The following ADGRL2 variants were observed in gnomAD, a reference collection of about 807,000 sequenced individuals.
The protein encoded by ADGRL2 is adhesion G protein-coupled receptor L2, also known as calcium-independent alpha-latrotoxin receptor 2.
Under a neutral mutation model 157.4 loss-of-function variants are expected in ADGRL2, and 44 were observed. The ratio of observed to expected loss-of-function variants is 0.28; its 90% CI spans 0.22 to 0.36. The LOEUF is 0.36. Ranked by LOEUF, ADGRL2 falls within the 10% of genes least tolerant of loss-of-function variation. ADGRL2 has a pLI of 1.00. For synonymous variants in ADGRL2, 585 were observed against 624.7 expected (o/e 0.94, Z 0.95); for missense variants, 1,510 against 1,768.9 (o/e 0.85, Z 2.63).
At chr1:81,754,488 C>T (rs1436963278) in intron 1 of ADGRL2, among the ~76,000 whole-genome samples, 1 of 135,068 alleles carries the variant, frequency 7.4e-6, no homozygotes, top group African/African-American at 2.7e-5. Flanking sequence ...CTCCCCTTTC[C>T]TTCCTTCTTT....
intron 1 of ADGRL2, among the ~76,000 whole-genome samples, chr1:81,365,241 A>G (rs181956780): frequency 1.1e-3 from 175 of 152,322 alleles, no homozygotes; most frequent in Non-Finnish European, 1.9e-3. Context: ...AGGAATTGGA[A>G]GATGAAATGG....
chr1:81,879,606 A>G (rs561319952), intron 2 of ADGRL2, among the ~76,000 whole-genome samples: 5 of 152,090 alleles, frequency 3.3e-5, no homozygotes, highest in African/African-American at 1.2e-4. Context: ...AATATTATTT[A>G]TTCTTCTTCT....
chr1:81,727,144 A>C (rs1372953438), intron 1 of ADGRL2, among the ~76,000 whole-genome samples: 1 of 152,204 alleles, frequency 6.6e-6, no homozygotes, highest in African/African-American at 2.4e-5. Context: ...CAAGTTTCCA[A>C]GACAGGCAGG....
rs558320349 is a variant in ADGRL2, at chr1:81,647,295, T to G, written c.-143+66315T>G. 2.0e-5 allele frequency among the ~76,000 whole-genome samples: 3 copies of G among 152,298 alleles called. No homozygotes were observed. In the East Asian group the frequency reaches 5.8e-4, roughly 29 times the overall value. ...TGCAGAATTTTGAATGTGATGAGAC[T>G]TCACCTTATTTAAAGAAGCAGGTTA... is the stretch of plus-strand genomic sequence containing the variant. On this transcript the variant is annotated intron_variant, in intron 3 of 24. Coordinates refer to the ADGRL2 transcript ENST00000370721.
At chr1:81,326,331 T>A (rs1660898651) in intron 1 of ADGRL2, among the ~76,000 whole-genome samples, 1 of 152,226 alleles carries the variant, frequency 6.6e-6, no homozygotes, top group Admixed American at 6.5e-5. Flanking sequence ...TTTTAATATA[T>A]CTAGAGCTCT....
At position 81,896,283 on chromosome 1, in the gene ADGRL2, T is replaced by C. The variant is rs368670149; in HGVS notation, c.74-10734T>C. ...TAAATTTTTGTTAGAAACTTATTGA[T>C]GTTAAACTGGTTTTAACTAGTTATA... On this transcript the variant is annotated intron_variant, in intron 2 of 23. Transcript: ENST00000686636. 4.9e-4 allele frequency among the ~76,000 whole-genome samples: 75 copies of C among 151,792 alleles called. No individual in the cohort carries two copies. In the South Asian group the frequency reaches 0.015, roughly 30 times the overall value.
At chr1:81,517,332 A>G (rs1303597747) in intron 2 of ADGRL2, among the ~76,000 whole-genome samples, 1 of 151,882 alleles carries the variant, frequency 6.6e-6, no homozygotes, top group Non-Finnish European at 1.5e-5. Context: ...TTAGCTGGGC[A>G]TGGTGGTGCA....
At chr1:81,880,596 G>C (rs192838711) in intron 2 of ADGRL2, among the ~76,000 whole-genome samples, 139 of 152,172 alleles carry the variant, frequency 9.1e-4, no homozygotes, top group African/African-American at 3.2e-3. Flanking sequence ...TTGAATTCGA[G>C]GGCTTCTATA....
rs143696704 is a variant in ADGRL2 at position 81,348,922 on chromosome 1, A to G, written c.-302+42413A>G. ...CCTGTTCAGAGTAGCAAAAGCTATT[A>G]TGCATTCACTGATTTTAAGAAAAAA... On this transcript the variant is annotated intron_variant, in intron 1 of 24. Transcript: ENST00000370721. Among the ~76,000 whole-genome samples the G allele has an allele frequency of 7.9e-4, 120 of 152,352 alleles. 1 individual carries two copies. Among genetic ancestry groups the G allele is most frequent in the African/African-American group, 2.7e-3 (111 of 41,582 alleles).
At chr1:81,850,283 C>A (rs1173401532) in intron 2 of ADGRL2, among the ~76,000 whole-genome samples, 1 of 151,922 alleles carries the variant, frequency 6.6e-6, no homozygotes, top group Admixed American at 6.6e-5. Context: ...TATGTCTTGT[C>A]TTAGCACTGC....
intron 1 of ADGRL2, among the ~76,000 whole-genome samples, chr1:81,701,924 G>T (rs17106953): frequency 1.2e-4 from 19 of 152,284 alleles, no homozygotes; most frequent in African/African-American, 4.1e-4. Context: ...TACCTTGGGG[G>T]AAAGCCCACA....
At chr1:81,874,448 T>G (rs925659018) in intron 2 of ADGRL2, among the ~76,000 whole-genome samples, 2 of 152,196 alleles carry the variant, frequency 1.3e-5, no homozygotes, top group Non-Finnish European at 1.5e-5. Context: ...GGTACCTGCC[T>G]CTTTTCCTCT....
chr1:81,517,825 G>C (rs1342983232), intron 2 of ADGRL2, among the ~76,000 whole-genome samples: 1 of 152,108 alleles, frequency 6.6e-6, no homozygotes, highest in Non-Finnish European at 1.5e-5. Flanking sequence ...CTTCCTGTTC[G>C]AGACAGAGTA....
intron 2 of ADGRL2, among the ~76,000 whole-genome samples, chr1:81,488,428 A>C (rs2078555330): frequency 6.6e-6 from 1 of 152,152 alleles, no homozygotes; most frequent in African/African-American, 2.4e-5. Flanking sequence ...GACCGGGCAC[A>C]GTAGCACAAG....
upstream of ADGRL2, among the ~76,000 whole-genome samples, chr1:81,699,378 C>G: frequency 6.6e-6 from 1 of 152,196 alleles, no homozygotes; most frequent in South Asian, 2.1e-4. Context: ...TAGGTATTTG[C>G]CAGTAGCAAT....
chr1:81,875,183 G>T (rs113466679), intron 2 of ADGRL2, among the ~76,000 whole-genome samples: 2,329 of 152,198 alleles, frequency 0.015, 29 homozygotes, highest in South Asian at 0.029. Flanking sequence ...ATGGTGGGTC[G>T]TTTATAAGTA....
intron 2 of ADGRL2, among the ~76,000 whole-genome samples, chr1:81,556,312 ATTTTTTTTTTT>A (rs145670261): frequency 4.6e-5 from 4 of 87,132 alleles, no homozygotes; most frequent in African/African-American, 9.4e-5. Flanking sequence ...GGCTGTCACA[ATTTTTTTTTTT>A]TTTTTTTTTT....
At chr1:81,462,656 T>C (rs556727549) in intron 2 of ADGRL2, among the ~76,000 whole-genome samples, 1 of 152,344 alleles carries the variant, frequency 6.6e-6, no homozygotes, top group Non-Finnish European at 1.5e-5. Flanking sequence ...CATTAACATC[T>C]TGCTCCTCAG....
At chr1:81,903,803 CATTTTATAT>C (rs1557879352) in intron 2 of ADGRL2, among the ~76,000 whole-genome samples, 7 of 122,880 alleles carry the variant, frequency 5.7e-5, no homozygotes, top group East Asian at 2.7e-4. Context: ...TATATATACA[CATTTTATAT>C]ACACACACAC....
Sources: gnomAD v4.1 joint callset for allele counts (sites outside exome capture counted in the v4.1 genomes callset) on GRCh38, gnomAD v4.1.1 for gene constraint, MANE v1.5 for transcripts, NCBI Gene and HGNC (gene_info 2026-07-23, HGNC 2026-07-21) for gene names.